DPP10: variants seen among roughly 807,000 people sequenced by gnomAD.
DPP10 encodes the protein inactive dipeptidyl peptidase 10.
DPP10 carries 33 observed loss-of-function variants against 120.9 expected under a neutral mutation model. The observed-to-expected ratio is 0.27, with a 90% CI of 0.21 to 0.37. The LOEUF (loss-of-function observed/expected upper bound fraction) is 0.37. Among genes scored for constraint, DPP10 ranks in the 10% least tolerant of loss-of-function variants. The pLI, the probability that DPP10 is intolerant of heterozygous loss-of-function variation, is 1.00. For synonymous variants in DPP10, 337 were observed against 326.1 expected (o/e 1.03, Z -0.36); for missense variants, 816 against 942.8 (o/e 0.87, Z 1.76).
intron 3 of DPP10, among the ~76,000 whole-genome samples, chr2:115,376,280 A>C (rs867985271): frequency 6.6e-5 from 10 of 152,214 alleles, no homozygotes; most frequent in African/African-American, 2.4e-4. Flanking sequence ...CGAATTTCAA[A>C]ATTATAAATA....
At chr2:115,204,695 C>G (rs7565369) in intron 1 of DPP10, among the ~76,000 whole-genome samples, 32,700 of 152,014 alleles carry the variant, frequency 0.22, 4,030 homozygotes, top group East Asian at 0.38. Context: ...GGAAGCAACT[C>G]AGTTTCATCT....
chr2:114,731,885 T>A (rs571015543), intron 1 of DPP10, among the ~76,000 whole-genome samples: 1 of 152,238 alleles, frequency 6.6e-6, no homozygotes, highest in East Asian at 1.9e-4. Context: ...TTAGGAGTGA[T>A]CACTACAGCC....
At chr2:115,340,188 A>G (rs892450631) in intron 2 of DPP10, among the ~76,000 whole-genome samples, 1 of 152,222 alleles carries the variant, frequency 6.6e-6, no homozygotes, top group Non-Finnish European at 1.5e-5. Flanking sequence ...TACAGATGCT[A>G]TAATTTAATA....
chr2:115,208,739 AC>A (rs2056319929), intron 1 of DPP10, among the ~76,000 whole-genome samples: 1 of 152,092 alleles, frequency 6.6e-6, no homozygotes, highest in Non-Finnish European at 1.5e-5. Context: ...TGGCTCTGCA[AC>A]CACAGTGGCA....
rs150713907 is a variant in DPP10, at chr2:114,936,075, TTGG to T, written c.61-373161_61-373159del. Reference sequence around the variant, plus strand: ...TTCTTTAGCGGTGATTTCTGAAATTTTGGTGCACCCATCACCCAAGCAGTGTAT... The same window carrying T: ...TTCTTTAGCGGTGATTTCTGAAATTTTGCACCCATCACCCAAGCAGTGTAT... On this transcript the variant is annotated intron_variant, in intron 1 of 25. Coordinates refer to ENST00000410059, the MANE Select transcript of DPP10 (RefSeq NM_020868.6). Among the ~76,000 whole-genome samples the T allele has an allele frequency of 4.8e-3, 726 of 152,226 alleles. 1 individual carries two copies. The highest frequency in any genetic ancestry group is 0.01 in the Middle Eastern group (3 of 294).
intron 21 of DPP10, among the ~76,000 whole-genome samples, chr2:115,818,307 T>C (rs1372610699): frequency 1.3e-5 from 2 of 152,212 alleles, no homozygotes; most frequent in African/African-American, 4.8e-5. Context: ...ATAGAGTAAA[T>C]TTTATATGTT....
At chr2:115,528,341 T>C (rs187719311) in intron 5 of DPP10, among the ~76,000 whole-genome samples, 16 of 151,300 alleles carry the variant, frequency 1.1e-4, no homozygotes, top group African/African-American at 3.6e-4. Flanking sequence ...ACATGTACCC[T>C]AGAACTTAAA....
chr2:115,478,172 A>G (rs1221808865), intron 3 of DPP10, among the ~76,000 whole-genome samples: 1 of 152,132 alleles, frequency 6.6e-6, no homozygotes. Flanking sequence ...TTGGGAGGGG[A>G]GAAACAGCCA....
intron 17 of DPP10, among the ~76,000 whole-genome samples, chr2:115,785,063 C>G (rs1683174794): frequency 6.6e-6 from 1 of 152,208 alleles, no homozygotes; most frequent in Non-Finnish European, 1.5e-5. Context: ...TCGATGTTCT[C>G]TGGCCTAGAA....
chr2:114,772,595 A>G (rs151023502), intron 1 of DPP10, among the ~76,000 whole-genome samples: 299 of 152,268 alleles, frequency 2.0e-3, no homozygotes, highest in African/African-American at 6.9e-3. Context: ...CTTTCTCCGT[A>G]ATTATTGTAC....
chr2:115,042,442 T>C (rs1364661553), intron 1 of DPP10, among the ~76,000 whole-genome samples: 1 of 152,176 alleles, frequency 6.6e-6, no homozygotes, highest in Non-Finnish European at 1.5e-5. Context: ...ATTTTTTGTA[T>C]TTTGAGTAAA....
intron 5 of DPP10, among the ~76,000 whole-genome samples, chr2:115,556,393 A>G (rs900998776): frequency 8.9e-6 from 1 of 112,872 alleles, no homozygotes; most frequent in Non-Finnish European, 1.8e-5. Context: ...CTCATCAGCT[A>G]TCGTTAGTGT....
chr2:115,403,503 G>C (rs1047711930), intron 3 of DPP10, among the ~76,000 whole-genome samples: 1 of 142,926 alleles, frequency 7.0e-6, no homozygotes, highest in African/African-American at 2.6e-5. Context: ...AGGTTCCAGC[G>C]ATTCTCCTGC....
At chr2:114,861,641 G>A (rs549853850) in intron 1 of DPP10, among the ~76,000 whole-genome samples, 3 of 152,258 alleles carry the variant, frequency 2.0e-5, no homozygotes, top group Non-Finnish European at 4.4e-5. Flanking sequence ...GCCAGATAAG[G>A]TTGAATTAAC....
chr2:115,249,040 A>T (rs1209088763), intron 1 of DPP10, among the ~76,000 whole-genome samples: 1 of 152,148 alleles, frequency 6.6e-6, no homozygotes, highest in African/African-American at 2.4e-5. Flanking sequence ...GAATTGAGCA[A>T]TGATTTTTGA....
chr2:115,066,221 G>A (rs1299393871), intron 1 of DPP10, among the ~76,000 whole-genome samples: 5 of 152,098 alleles, frequency 3.3e-5, no homozygotes, highest in South Asian at 2.1e-4. Context: ...TGTTTTTCAC[G>A]TTATAGATAC....
intron 3 of DPP10, among the ~76,000 whole-genome samples, chr2:115,360,460 G>A (rs1389732060): frequency 6.6e-6 from 1 of 152,190 alleles, no homozygotes; most frequent in African/African-American, 2.4e-5. Context: ...GTTTGGTGGT[G>A]TAATTCAGAC....
intron 1 of DPP10, among the ~76,000 whole-genome samples, chr2:115,265,265 T>C (rs1474445613): frequency 1.1e-5 from 1 of 94,634 alleles, no homozygotes; most frequent in African/African-American, 3.3e-5. Context: ...TGGCTTTGGA[T>C]TCCATATATA....
chr2:115,091,894 G>A (rs912303316), intron 1 of DPP10, among the ~76,000 whole-genome samples: 1 of 152,146 alleles, frequency 6.6e-6, no homozygotes, highest in Non-Finnish European at 1.5e-5. Context: ...AATAGTCACA[G>A]TGGAGCTCTA....
Sources: gnomAD v4.1 joint callset for allele counts (sites outside exome capture counted in the v4.1 genomes callset) on GRCh38, gnomAD v4.1.1 for gene constraint, MANE v1.5 for transcripts, NCBI Gene and HGNC (gene_info 2026-07-23, HGNC 2026-07-21) for gene names.